TANC1: variants seen among roughly 807,000 people sequenced by gnomAD.
TANC1 encodes tetratricopeptide repeat, ankyrin repeat and coiled-coil containing 1.
Under a neutral mutation model 149.7 loss-of-function variants are expected in TANC1, and 77 were observed. That is an observed-to-expected ratio of 0.51 (90% CI 0.43 to 0.62). The LOEUF (loss-of-function observed/expected upper bound fraction) is 0.62, where lower values mean the gene tolerates loss of function less well. Among genes scored for constraint, TANC1 ranks in the 20% least tolerant of loss-of-function variants. The pLI, the probability that TANC1 is intolerant of heterozygous loss-of-function variation, is 0.00. For synonymous variants in TANC1, 854 were observed against 925.0 expected (o/e 0.92, Z 1.39); for missense variants, 1,985 against 2,321.8 (o/e 0.85, Z 2.98).
chr2:159,106,793 T>G (rs2047228122), intron 4 of TANC1, among the ~76,000 whole-genome samples: 1 of 152,254 alleles, frequency 6.6e-6, no homozygotes, highest in African/African-American at 2.4e-5. Flanking sequence ...CAGCTGAGTA[T>G]GAGGTTTCCA....
chr2:159,000,498 G>A (rs115621394), intron 1 of TANC1, among the ~76,000 whole-genome samples: 31 of 152,174 alleles, frequency 2.0e-4, no homozygotes, highest in Admixed American at 6.5e-5. Flanking sequence ...GTGCAGTGGC[G>A]TCTTTCTGCA....
intron 5 of TANC1, chr2:159,147,420 G>A (rs1313441214): frequency 6.6e-6 from 1 of 152,354 alleles, no homozygotes; most frequent in Non-Finnish European, 1.5e-5. Context: ...GCCCGGGGCA[G>A]AGGCGGAGGG....
At chr2:159,107,351 G>A (rs1276794201) in intron 4 of TANC1, among the ~76,000 whole-genome samples, 2 of 152,156 alleles carry the variant, frequency 1.3e-5, no homozygotes, top group African/African-American at 4.8e-5. Context: ...AAGTACAGCA[G>A]TTCTAAATTT....
At chr2:159,170,868 T>C in intron 10 of TANC1, 63 bp downstream of exon 10, 1 of 1,557,198 alleles carries the variant, frequency 6.4e-7, no homozygotes, top group Non-Finnish European at 8.8e-7. Context: ...GAAATTGCTG[T>C]TCACATAGAC....
At chr2:159,133,357 T>C (rs968613471) in intron 4 of TANC1, among the ~76,000 whole-genome samples, 7 of 81,848 alleles carry the variant, frequency 8.6e-5, no homozygotes, top group South Asian at 9.1e-4. Context: ...TTTTTTTTTT[T>C]TCTCTTTTTT....
At chr2:159,217,400 C>A in intron 19 of TANC1, 97 bp from the exon 20 acceptor site, 3 of 1,483,318 alleles carry the variant, frequency 2.0e-6, no homozygotes, top group Non-Finnish European at 1.9e-6. Flanking sequence ...ACATATAGAC[C>A]CCATCTCCCA....
At chr2:159,056,957 T>C in intron 2 of TANC1, 1 of 217,138 alleles carries the variant, frequency 4.6e-6, no homozygotes, top group Non-Finnish European at 9.9e-6. Flanking sequence ...AATATTCCAC[T>C]AACCCAGAAC....
intron 26 of TANC1, among the ~76,000 whole-genome samples, chr2:159,229,373 A>C (rs1327414012): frequency 6.6e-6 from 1 of 152,108 alleles, no homozygotes; most frequent in East Asian, 1.9e-4. Context: ...AGGGCTGTAG[A>C]GTCCCACCTA....
chr2:159,225,889 G>A (rs554000979), intron 24 of TANC1, 110 bp downstream of exon 24: 4 of 889,916 alleles, frequency 4.5e-6, no homozygotes, highest in South Asian at 2.9e-5. Context: ...TGTAATAGAA[G>A]TGCAAAAAGT....
chr2:159,228,075 G>A, intron 25 of TANC1, 110 bp downstream of exon 25: 1 of 1,240,944 alleles, frequency 8.1e-7, no homozygotes, highest in African/African-American at 1.5e-5. Context: ...TGTCCAATTT[G>A]CTTGCACATT....
intron 4 of TANC1, among the ~76,000 whole-genome samples, chr2:159,120,682 C>G (rs147349669): frequency 5.9e-5 from 9 of 152,118 alleles, no homozygotes; most frequent in Admixed American, 3.3e-4. Context: ...TCATCACTCA[C>G]TGCAGCCTCA....
At position 159,136,191 on chromosome 2, in the gene TANC1, C is replaced by T. The variant is rs1237976580; in HGVS notation, c.260-3C>T. ...AGCCACACTCAGATCTTTCCCACTA[C>T]AGGTCCCGTCAGGAAGCCCAAGTAT... On this transcript the variant is annotated splice_region_variant and splice_polypyrimidine_tract_variant and intron_variant, in intron 4 of 26. Coordinates refer to ENST00000263635, the MANE Select transcript of TANC1 (RefSeq NM_033394.3). 1 of 1,574,438 alleles carries T rather than the reference C, an allele frequency of 6.4e-7. No individual in the cohort carries two copies. Among genetic ancestry groups the T allele is most frequent in the Non-Finnish European group, 8.7e-7 (1 of 1,143,742 alleles).
chr2:159,054,596 C>A (rs2041709765), intron 2 of TANC1, among the ~76,000 whole-genome samples: 1 of 152,176 alleles, frequency 6.6e-6, no homozygotes, highest in African/African-American at 2.4e-5. Flanking sequence ...CTGCCTTTCA[C>A]AGGCATCTTT....
intron 20 of TANC1, among the ~76,000 whole-genome samples, chr2:159,218,188 C>T (rs2059469318): frequency 6.6e-6 from 1 of 152,210 alleles, no homozygotes; most frequent in Admixed American, 6.5e-5. Context: ...ACCTACCCTA[C>T]ACCTAGCACC....
intron 7 of TANC1, among the ~76,000 whole-genome samples, chr2:159,159,717 T>TGTGTGA (rs1480521171): frequency 8.7e-6 from 1 of 114,972 alleles, no homozygotes; most frequent in African/African-American, 3.5e-5. Flanking sequence ...TGTGTGTGTG[T>TGTGTGA]GAGAGAGAGA....
At position 159,230,929 on chromosome 2, in the gene TANC1, CAGCCTCATATT is replaced by C. The variant is rs768223798; in HGVS notation, c.5506_5516del (p.Pro1836Ter). 6.2e-7 allele frequency: 1 copy of C among 1,614,194 alleles called. No individual in the cohort carries two copies. Among genetic ancestry groups the C allele is most frequent in the Non-Finnish European group, 8.5e-7 (1 of 1,180,028 alleles). On this transcript the variant is annotated frameshift_variant, in exon 27 of 27. Transcript: ENST00000263635. LOFTEE classifies it high-confidence loss of function. This position sits in a 1 kb window ranked among gnomAD's most constrained non-coding sequence, Gnocchi z 4.4. ...GTACCAGGAAAGTATCTCCAAACAG[CAGCCTCATATT>C]AGTAATGAAGCCCACAGGAGCCACC...
intron 2 of TANC1, among the ~76,000 whole-genome samples, chr2:159,046,703 C>T (rs1400392386): frequency 6.8e-6 from 1 of 147,630 alleles, no homozygotes; most frequent in Non-Finnish European, 1.5e-5. Flanking sequence ...TGGGCTCAAG[C>T]GATCCTCCCA....
chr2:159,230,918 T>C lies in TANC1; in HGVS notation c.5492T>C (p.Ile1831Thr), dbSNP rs2060305626. ...KTVSHLYQES[I>T]SKQQPHISNE... ...GTTTCTCATCTGTACCAGGAAAGTA[T>C]CTCCAAACAGCAGCCTCATATTAGT... is the stretch of plus-strand genomic sequence containing the variant. The change falls in exon 27 of 27, where the codon ATC (isoleucine) becomes ACC (threonine). Residue 1831 changes from isoleucine (I) to threonine (T), a missense_variant. Physicochemically the swap from Ile to Thr is moderately conservative, Grantham distance 89 (BLOSUM62 -1). Around this residue, in one of 3 missense-constraint regions of TANC1, gnomAD observed 920 missense variants for 994.7 expected, o/e 0.92. Transcript: ENST00000263635. This position sits in a 1 kb window ranked among gnomAD's most constrained non-coding sequence, Gnocchi z 4.4. 6.2e-7 allele frequency: 1 copy of C among 1,614,080 alleles called. No individual in the cohort carries two copies. Among genetic ancestry groups the C allele is most frequent in the African/African-American group, 1.3e-5 (1 of 75,008 alleles).
At chr2:159,140,966 CA>C (rs2051308059) in intron 5 of TANC1, among the ~76,000 whole-genome samples, 1 of 152,158 alleles carries the variant, frequency 6.6e-6, no homozygotes, top group Non-Finnish European at 1.5e-5. Flanking sequence ...GCCAGGATTA[CA>C]AGTGCGAACC....
Sources: gnomAD v4.1 joint callset for allele counts (sites outside exome capture counted in the v4.1 genomes callset) on GRCh38, gnomAD v4.1.1 for gene constraint, gnomAD v4.1.1 regional missense constraint, Gnocchi (gnomAD v3.1) non-coding constraint, MANE v1.5 for transcripts, NCBI Gene and HGNC (gene_info 2026-07-23, HGNC 2026-07-21) for gene names.